The following FARP2 variants were observed in gnomAD, a reference collection of about 807,000 sequenced individuals.
FARP2 encodes FERM, ARH/RhoGEF and pleckstrin domain protein 2.
In FARP2, 111 loss-of-function variants were observed where a neutral mutation model predicts 130.5. That is an observed-to-expected ratio of 0.85 (90% CI 0.73 to 1.00). The LOEUF (loss-of-function observed/expected upper bound fraction) is 1.00. Ranked by LOEUF, FARP2 falls within the 50% of genes least tolerant of loss-of-function variation. The pLI, the probability that FARP2 is intolerant of heterozygous loss-of-function variation, is 0.00. For missense variants in FARP2, 1,385 were observed against 1,346.3 expected (o/e 1.03, Z -0.45); for synonymous variants, 504 against 516.9 (o/e 0.98, Z 0.34).
chr2:241,478,739 C>A, intron 19 of FARP2: 1 of 449,372 alleles, frequency 2.2e-6, no homozygotes, highest in Non-Finnish European at 4.5e-6. Flanking sequence ...CAAAACATCA[C>A]AGGTGCCCAT....
At chr2:241,469,805 G>A (rs531793133) in intron 18 of FARP2, among the ~76,000 whole-genome samples, 1 of 152,314 alleles carries the variant, frequency 6.6e-6, no homozygotes, top group African/African-American at 2.4e-5. Context: ...TGTGCTTGAG[G>A]TACATAGGAC....
At chr2:241,429,821 G>C (rs1198952096) in intron 8 of FARP2, among the ~76,000 whole-genome samples, 1 of 152,196 alleles carries the variant, frequency 6.6e-6, no homozygotes, top group Non-Finnish European at 1.5e-5. Context: ...GGTATCAGGT[G>C]CCTGTATTCC....
intron 11 of FARP2, among the ~76,000 whole-genome samples, chr2:241,435,252 C>G (rs920434563): frequency 4.6e-5 from 7 of 151,542 alleles, no homozygotes; most frequent in African/African-American, 9.7e-5. Flanking sequence ...CACCACTATC[C>G]CCTGGCTAGT....
At chr2:241,359,610 A>G (rs2061139184) in intron 1 of FARP2, among the ~76,000 whole-genome samples, 1 of 152,198 alleles carries the variant, frequency 6.6e-6, no homozygotes, top group Non-Finnish European at 1.5e-5. Flanking sequence ...CCCTGTGAGG[A>G]AAGCTGCTCC....
intron 8 of FARP2, among the ~76,000 whole-genome samples, chr2:241,430,440 A>G (rs983903127): frequency 6.6e-6 from 1 of 152,160 alleles, no homozygotes; most frequent in South Asian, 2.1e-4. Context: ...TCAACAGACA[A>G]TGCTACACAC....
chr2:241,393,436 T>C (rs2061957578), intron 2 of FARP2, among the ~76,000 whole-genome samples: 1 of 152,156 alleles, frequency 6.6e-6, no homozygotes, highest in Non-Finnish European at 1.5e-5. Context: ...CTATCAAAAA[T>C]GTTGGTGACC....
At position 241,366,104 on chromosome 2, in the gene FARP2, A is replaced by AAAAATATAT. The variant is rs61355096; in HGVS notation, c.-24-6979_-24-6978insAAATATATA. Among the ~76,000 whole-genome samples, 27 of 57,004 alleles carry AAAAATATAT rather than the reference A, an allele frequency of 4.7e-4. No individual in the cohort carries two copies. The East Asian group carries it at 7.7e-3, about 16-fold the overall frequency. 37.4% of individuals were successfully genotyped at this position (57,004 alleles called of 152,430 possible). ...ACCTCATCACTACTAAAAAAAAAAA[A>AAAAATATAT]ATATATATATATATATACGTATATA... On this transcript the variant is annotated intron_variant, in intron 1 of 26. Transcript: ENST00000264042.
chr2:241,477,393 G>T (rs2064501002), intron 19 of FARP2, among the ~76,000 whole-genome samples: 2 of 152,214 alleles, frequency 1.3e-5, no homozygotes, highest in African/African-American at 2.4e-5. Flanking sequence ...CTCCCAAAGT[G>T]CTGGGATTAC....
intron 24 of FARP2, 62 bp downstream of exon 24, chr2:241,491,741 G>C (rs536367426): frequency 6.7e-7 from 1 of 1,498,366 alleles, no homozygotes; most frequent in Non-Finnish European, 9.0e-7. Context: ...TCTGCACTTG[G>C]CTGCTGAGGA....
At chr2:241,484,397 T>A in intron 21 of FARP2, 66 bp downstream of exon 21, 1 of 1,334,404 alleles carries the variant, frequency 7.5e-7, no homozygotes, top group Non-Finnish European at 1.1e-6. Flanking sequence ...CCTACCTCTC[T>A]CCTGCAGAGG....
chr2:241,437,383 T>A (rs144108624), intron 12 of FARP2, among the ~76,000 whole-genome samples: 1 of 152,324 alleles, frequency 6.6e-6, no homozygotes, highest in Non-Finnish European at 1.5e-5. Flanking sequence ...ATGTTTCAGG[T>A]CTACTTCACT....
intron 1 of FARP2, among the ~76,000 whole-genome samples, chr2:241,366,120 T>TAGATATATATAC (rs1238134390): frequency 2.3e-5 from 1 of 44,342 alleles, no homozygotes; most frequent in Non-Finnish European, 4.4e-5. Flanking sequence ...TATATATATA[T>TAGATATATATAC]ACGTATATAT....
chr2:241,416,564 A>G (rs904647408), intron 7 of FARP2, among the ~76,000 whole-genome samples: 1 of 152,192 alleles, frequency 6.6e-6, no homozygotes, highest in Non-Finnish European at 1.5e-5. Context: ...AAACACCTTT[A>G]TAATCACTGA....
rs2064083039 is a variant in FARP2, at chr2:241,463,511, C to T, written c.1811+43C>T. 3 of 1,590,284 alleles carry T rather than the reference C, an allele frequency of 1.9e-6. No homozygotes were observed. In the East Asian group the frequency reaches 6.7e-5, roughly 36 times the overall value. On this transcript the variant is annotated intron_variant, in intron 16 of 26. Transcript: ENST00000264042. The stretch of plus-strand genomic sequence containing the variant: ...CCCACACGGGAGACTCCCACACCAA[C>T]TCATCATCACCGCTCTTAGGAACTT...
At chr2:241,462,882 G>A (rs2064062467) in intron 15 of FARP2, among the ~76,000 whole-genome samples, 1 of 151,884 alleles carries the variant, frequency 6.6e-6, no homozygotes, top group Non-Finnish European at 1.5e-5. Flanking sequence ...TAGAGGTGGG[G>A]TTTCACCATG....
At chr2:241,476,216 A>T (rs1330125702) in intron 19 of FARP2, among the ~76,000 whole-genome samples, 1 of 73,710 alleles carries the variant, frequency 1.4e-5, no homozygotes, top group East Asian at 4.7e-4. Flanking sequence ...CTATGAATTA[A>T]AAAAAAAAAA....
At chr2:241,435,088 A>G (rs2063190860) in intron 11 of FARP2, 58 bp downstream of exon 11, 14 of 1,024,804 alleles carry the variant, frequency 1.4e-5, no homozygotes, top group Non-Finnish European at 2.0e-5. Context: ...ATTTAAATAT[A>G]TATATGGAGA....
At chr2:241,491,404 C>A (rs2064903758) in intron 23 of FARP2, 112 bp from the exon 24 acceptor site, 1 of 1,244,396 alleles carries the variant, frequency 8.0e-7, no homozygotes, top group East Asian at 2.3e-5. Context: ...TGGCCTAGCA[C>A]CAAGGGCTCC....
intron 1 of FARP2, among the ~76,000 whole-genome samples, chr2:241,363,625 C>A (rs2061240424): frequency 6.6e-6 from 1 of 152,242 alleles, no homozygotes; most frequent in Non-Finnish European, 1.5e-5. Context: ...ATGGGATAGA[C>A]CATCGCCTGG....
Sources: gnomAD v4.1 joint callset for allele counts (sites outside exome capture counted in the v4.1 genomes callset) on GRCh38, gnomAD v4.1.1 for gene constraint, MANE v1.5 for transcripts, NCBI Gene and HGNC (gene_info 2026-07-23, HGNC 2026-07-21) for gene names.